ALK: variants seen among roughly 807,000 people sequenced by gnomAD.
ALK encodes the protein ALK tyrosine kinase receptor.
In ALK, 74 loss-of-function variants were observed where a neutral mutation model predicts 163.1. The observed-to-expected ratio is 0.45, with a 90% CI of 0.38 to 0.55. ALK has a LOEUF of 0.55. Among genes scored for constraint, ALK ranks in the 20% least tolerant of loss-of-function variants. The pLI is 0.00. For missense variants in ALK, 2,063 were observed against 2,105.3 expected (o/e 0.98, Z 0.39); for synonymous variants, 960 against 843.2 (o/e 1.14, Z -2.40).
At chr2:29,753,221 TC>T (rs1211501681) in intron 1 of ALK, among the ~76,000 whole-genome samples, 2 of 152,190 alleles carry the variant, frequency 1.3e-5, no homozygotes, top group African/African-American at 4.8e-5. Context: ...TTTGCCTGGA[TC>T]GAGAAAGTAA....
At chr2:29,322,128 G>A (rs1667074381) in intron 6 of ALK, among the ~76,000 whole-genome samples, 1 of 152,224 alleles carries the variant, frequency 6.6e-6, no homozygotes, top group Non-Finnish European at 1.5e-5. Context: ...CATGTGGGAG[G>A]AAAGAAGCTC....
At chr2:29,340,425 A>G (rs989319941) in intron 5 of ALK, among the ~76,000 whole-genome samples, 2 of 152,178 alleles carry the variant, frequency 1.3e-5, no homozygotes, top group African/African-American at 2.4e-5. Flanking sequence ...GCCCCTTGAG[A>G]CACCTCCAAT....
rs1678628242 is a variant in ALK at position 29,698,176 on chromosome 2, C to A, written c.788-3162G>T. On this transcript the variant is annotated intron_variant, in intron 2 of 28. Transcript: ENST00000389048. ...TTTGTTTGAGTTGATAAGCCACTTG[C>A]TCTACAGTTGGTGTCCAGGAACCAC... 1.3e-5 allele frequency among the ~76,000 whole-genome samples: 2 copies of A among 152,150 alleles called. 1 individual carries two copies. Among genetic ancestry groups the A allele is most frequent in the African/African-American group, 4.8e-5 (2 of 41,436 alleles).
intron 1 of ALK, among the ~76,000 whole-genome samples, chr2:29,846,919 T>C (rs13020385): frequency 0.77 from 117,862 of 152,128 alleles, 45,908 homozygotes; most frequent in East Asian, 0.88. Flanking sequence ...CCCGCACCTA[T>C]AAGCAGATCT....
intron 3 of ALK, among the ~76,000 whole-genome samples, chr2:29,598,921 T>C (rs548099938): frequency 6.6e-6 from 1 of 152,180 alleles, no homozygotes; most frequent in Admixed American, 6.5e-5. Context: ...TCTCTTTTGT[T>C]CCCTGTTACA....
intron 3 of ALK, among the ~76,000 whole-genome samples, chr2:29,691,150 T>A (rs1313264498): frequency 6.6e-6 from 1 of 152,184 alleles, no homozygotes; most frequent in Non-Finnish European, 1.5e-5. Context: ...GTGTTATAAA[T>A]AACTGACTAC....
At chr2:29,720,152 G>A (rs1679380591) in intron 1 of ALK, among the ~76,000 whole-genome samples, 1 of 151,990 alleles carries the variant, frequency 6.6e-6, no homozygotes, top group African/African-American at 2.4e-5. Context: ...TCTGTGAATG[G>A]GTACAGAATG....
chr2:29,671,208 G>A lies in ALK; in HGVS notation c.952+23642C>T, dbSNP rs139324212. ...CCTCCTTTTTGGTTCTAAGTAGCAC[G>A]TGAAGCCCAGGTTCACCTCTGCGCT... On this transcript the variant is annotated intron_variant, in intron 3 of 28. Transcript: ENST00000389048. 7.2e-3 allele frequency among the ~76,000 whole-genome samples: 1,094 copies of A among 152,082 alleles called. 14 individuals carry two copies. Among genetic ancestry groups the A allele is most frequent in the African/African-American group, 0.026 (1,059 of 41,518 alleles).
rs1455986432 is a variant in ALK at position 29,528,810 on chromosome 2, T to A, written c.1154+3105A>T. ...GACTTTATGGCCACTAATTTCTAGC[T>A]AAGATGTCCTATGCCTATGTGACTC... On this transcript the variant is annotated intron_variant, in intron 4 of 28. Coordinates refer to ENST00000389048, the MANE Select transcript of ALK (RefSeq NM_004304.5). Among the ~76,000 whole-genome samples, 3 of 152,334 alleles carry A rather than the reference T, an allele frequency of 2.0e-5. No homozygotes were observed. The East Asian group carries it at 5.8e-4, about 29-fold the overall frequency.
intron 3 of ALK, among the ~76,000 whole-genome samples, chr2:29,564,676 T>C (rs1438595190): frequency 6.6e-6 from 1 of 152,124 alleles, no homozygotes; most frequent in Non-Finnish European, 1.5e-5. Context: ...ATAGCATAAC[T>C]CAGAGAAACC....
At chr2:29,868,862 T>C (rs1666508210) in intron 1 of ALK, among the ~76,000 whole-genome samples, 2 of 152,024 alleles carry the variant, frequency 1.3e-5, no homozygotes, top group Admixed American at 1.3e-4. Context: ...AGGTAACATA[T>C]AAAGGGTAGT....
At chr2:29,392,501 T>C (rs1669198404) in intron 4 of ALK, among the ~76,000 whole-genome samples, 1 of 152,216 alleles carries the variant, frequency 6.6e-6, no homozygotes, top group South Asian at 2.1e-4. Flanking sequence ...CCTTTCATTG[T>C]TGCCTCAGGC....
At chr2:29,362,231 T>C (rs1668404586) in intron 5 of ALK, among the ~76,000 whole-genome samples, 1 of 152,186 alleles carries the variant, frequency 6.6e-6, no homozygotes, top group Non-Finnish European at 1.5e-5. Context: ...CGGGAGGTAA[T>C]GGGAAGAAGT....
At chr2:29,359,634 T>C (rs1182800794) in intron 5 of ALK, among the ~76,000 whole-genome samples, 2 of 152,202 alleles carry the variant, frequency 1.3e-5, no homozygotes, top group African/African-American at 2.4e-5. Context: ...TTGGGATCAA[T>C]AGACACTCTA....
At chr2:29,636,821 G>A (rs1676547489) in intron 3 of ALK, among the ~76,000 whole-genome samples, 1 of 152,122 alleles carries the variant, frequency 6.6e-6, no homozygotes, top group South Asian at 2.1e-4. Context: ...TAAACAGCTG[G>A]AAAATAAGCA....
chr2:29,220,917 G>GT, intron 22 of ALK, 82 bp from the exon 23 acceptor site: 1 of 1,586,592 alleles, frequency 6.3e-7, no homozygotes, highest in Non-Finnish European at 8.6e-7. Flanking sequence ...AGGATACAAA[G>GT]TTACATTTTC....
rs543478032 is a variant in ALK, at chr2:29,634,529, A to T, written c.952+60321T>A. Among the ~76,000 whole-genome samples the T allele has an allele frequency of 2.0e-5, 3 of 152,362 alleles. No individual in the cohort carries two copies. The East Asian group carries it at 5.8e-4, about 29-fold the overall frequency. ...TGACAAGCTAAAGAAGATAAATCAC[A>T]TGATAATATCAATTCATGAAGAAAA... On this transcript the variant is annotated intron_variant, in intron 3 of 28. Coordinates refer to ENST00000389048, the MANE Select transcript of ALK (RefSeq NM_004304.5).
chr2:29,350,820 G>T (rs1668091065), intron 5 of ALK, among the ~76,000 whole-genome samples: 1 of 152,178 alleles, frequency 6.6e-6, no homozygotes, highest in Non-Finnish European at 1.5e-5. Flanking sequence ...CTTGTCCAAG[G>T]TTGCAGAGCC....
chr2:29,769,136 A>AT (rs74313359), intron 1 of ALK, among the ~76,000 whole-genome samples: 28,289 of 152,008 alleles, frequency 0.19, 2,943 homozygotes, highest in East Asian at 0.36. Context: ...ATCTGGCTAA[A>AT]TTTTTTCTTC....
Sources: allele counts gnomAD v4.1 joint callset (sites outside exome capture counted in the v4.1 genomes callset), GRCh38; gene constraint gnomAD v4.1.1; transcripts MANE v1.5; gene names NCBI Gene and HGNC (gene_info 2026-07-23, HGNC 2026-07-21).